Variants in GRK1 observed in about 807,000 individuals in gnomAD.
GRK1 encodes the protein G protein-coupled receptor kinase 1, also known as rhodopsin kinase GRK1.
A neutral mutation model predicts 41.7 loss-of-function variants in GRK1; 28 were observed. The observed-to-expected ratio is 0.67, with a 90% CI of 0.50 to 0.92. The LOEUF is 0.92. Ranked by LOEUF, GRK1 falls within the 40% of genes least tolerant of loss-of-function variation. The probability of loss-of-function intolerance (pLI) is 0.00; values close to 1 mark genes in which losing one functional copy is unlikely to be tolerated. For synonymous variants in GRK1, 327 were observed against 286.7 expected, an observed-to-expected ratio of 1.14 and a Z score of -1.42; for missense variants, 703 against 671.2, an observed-to-expected ratio of 1.05 and a Z score of -0.52.
chr13:113,657,599 C>T, the GRK1 span, among the ~76,000 whole-genome samples: 2 of 152,220 alleles, frequency 1.3e-5, no homozygotes, highest in Non-Finnish European at 2.9e-5. Context: ...TGGACGCCAG[C>T]GGGTGTCCCG....
chr13:113,733,843 GCATGTGTATGTGTGCATA>G (rs2049970456), intron 6 of GRK1, among the ~76,000 whole-genome samples: 3 of 122,330 alleles, frequency 2.5e-5, no homozygotes, highest in Admixed American at 8.0e-5. Flanking sequence ...ACGTGCGTGT[GCATGTGTATGTGTGCATA>G]CGTGTGTGCG....
chr13:113,652,749 C>T, the GRK1 span: 3 of 1,117,018 alleles, frequency 2.7e-6, no homozygotes, highest in South Asian at 4.0e-5. Context: ...GGTGGTGAGG[C>T]TGGAGTCCCT....
chr13:113,731,470 G>T lies in GRK1; in HGVS notation c.1194+127G>T. On this transcript the variant is annotated intron_variant, in intron 5 of 6. Coordinates refer to ENST00000335678, the MANE Select transcript of GRK1 (RefSeq NM_002929.3). This position sits in a 1 kb window ranked among gnomAD's most constrained non-coding sequence, Gnocchi z 5.6. ...TGTTCTGTGGGCCCTGGGGTGGGGAGGGCACAGATTCACGTGCTGGGGTCT... is the reference window on the plus strand; with the variant it reads ...TGTTCTGTGGGCCCTGGGGTGGGGATGGCACAGATTCACGTGCTGGGGTCT... 1 of 1,347,922 alleles carries T rather than the reference G, an allele frequency of 7.4e-7. No homozygotes were observed. The highest frequency in any genetic ancestry group is 1.0e-6 in the Non-Finnish European group (1 of 1,002,596). The allele number at this position is 1,347,922 out of a possible 1,614,324, so 83.5% of individuals were successfully genotyped here.
rs1455976242 is a variant in GRK1, at chr13:113,733,886, T to C, written c.1396+801T>C. Among the ~76,000 whole-genome samples the C allele has an allele frequency of 6.1e-3, 603 of 99,616 alleles. 19 individuals are homozygous for C. Among genetic ancestry groups the C allele is most frequent in the African/African-American group, 0.026 (543 of 21,002 alleles). 65.4% of individuals were successfully genotyped at this position (99,616 alleles called of 152,430 possible). A position where few individuals can be genotyped will look rare whatever the true frequency, so the allele number is the denominator to read the frequency against. On this transcript the variant is annotated intron_variant, in intron 6 of 6. Coordinates refer to ENST00000335678, the MANE Select transcript of GRK1 (RefSeq NM_002929.3). Reference sequence around the variant, plus strand: ...ACGTGTGTGCGTGTGTGCATACGTGTGTGCGTGTGTGTATGTGTGCATACA... The same window carrying C: ...ACGTGTGTGCGTGTGTGCATACGTGCGTGCGTGTGTGTATGTGTGCATACA...
At chr13:113,733,661 G>A (rs965765511) in intron 6 of GRK1, among the ~76,000 whole-genome samples, 4 of 99,550 alleles carry the variant, frequency 4.0e-5, no homozygotes, top group Non-Finnish European at 5.9e-5. Context: ...ACGTGTGTGT[G>A]CGTGTGTGCA....
At chr13:113,732,586 G>A (rs1174381761) in intron 5 of GRK1, among the ~76,000 whole-genome samples, 1 of 152,224 alleles carries the variant, frequency 6.6e-6, no homozygotes, top group Admixed American at 6.5e-5. Flanking sequence ...AGCTGGGCCC[G>A]CGCTGGCCTT....
the GRK1 span, chr13:113,658,188 A>C: frequency 1.3e-6 from 2 of 1,555,736 alleles, no homozygotes; most frequent in Non-Finnish European, 1.8e-6. Context: ...TGCACCCTCT[A>C]CGCCCAGACT....
At chr13:113,657,978 G>A in the GRK1 span, 4 of 1,423,406 alleles carry the variant, frequency 2.8e-6, no homozygotes, top group African/African-American at 4.2e-5. Context: ...CCTGGAGGCT[G>A]CGTCCTCAGA....
At position 113,732,892 on chromosome 13, in the gene GRK1, C is replaced by A. The variant is rs2049947408; in HGVS notation, c.1203C>A (p.Asn401Lys). The change falls in exon 6 of 7, where the codon AAC becomes AAA. Residue 401 changes from asparagine (N) to lysine (K), a missense_variant. By Grantham distance (94) the Asn-to-Lys change is moderately conservative. Coordinates refer to ENST00000335678, the MANE Select transcript of GRK1 (RefSeq NM_002929.3). ...TACGCGTGTCCCCACAGGTGGAGAA[C>A]AAGGAGCTGAAGCACCGGATCATCT... is the stretch of plus-strand genomic sequence containing the variant. ...PFRARGEKVE[N>K]KELKHRIISE... 1 of 1,536,510 alleles carries A rather than the reference C, an allele frequency of 6.5e-7. No homozygotes were observed. The highest frequency in any genetic ancestry group is 8.7e-7 in the Non-Finnish European group (1 of 1,146,878).
rs377102130 is a variant in GRK1 at position 113,671,541 on chromosome 13, G to A, written c.870G>A (p.Pro290=). 1.5e-4 allele frequency: 120 copies of A among 778,838 alleles called. No homozygotes were observed. In the African/African-American group the frequency reaches 1.8e-3, roughly 12 times the overall value. 48.2% of individuals were successfully genotyped at this position (778,838 alleles called of 1,614,324 possible). The change falls in exon 3 of 7, where the codon CCG becomes CCA. Residue 290 remains proline, a synonymous_variant. Coordinates refer to ENST00000335678, the MANE Select transcript of GRK1 (RefSeq NM_002929.3). This position sits in a 1 kb window ranked among gnomAD's most constrained non-coding sequence, Gnocchi z 4.1. ...YNVNEENPGF[P]EPRALFYTAQ... ...TGAATGAGGAGAACCCTGGCTTCCC[G>A]GAGCCGCGCGCCCTCTTCTACACGG...
At chr13:113,732,847 G>A (rs1034392868) in intron 5 of GRK1, 37 bp from the exon 6 acceptor site, 2 of 1,509,310 alleles carry the variant, frequency 1.3e-6, no homozygotes, top group South Asian at 1.3e-5. Flanking sequence ...CAAGAGAGGC[G>A]GGTCTGGCAG....
At chr13:113,651,646 C>T in the GRK1 span, 48 of 1,586,836 alleles carry the variant, frequency 3.0e-5, no homozygotes, top group Admixed American at 5.3e-5. Flanking sequence ...TGGGGCAGCC[C>T]TGCCCGCCGC....
chr13:113,667,718 T>C lies in GRK1; in HGVS notation c.332T>C (p.Leu111Pro). ...DLQPQKAQTI[L>P]AQYLDPQAKL... is the part of the protein sequence containing the mutation. ...CAGCCACAGAAGGCCCAGACCATCC[T>C]GGCCCAGTACCTGGACCCCCAGGCC... The change falls in exon 1 of 7, where the codon CTG becomes CCG. Residue 111 changes from leucine (L) to proline (P), a missense_variant. Physicochemically the swap from Leu to Pro is moderately conservative, Grantham distance 98 (BLOSUM62 -3). Coordinates refer to ENST00000335678, the MANE Select transcript of GRK1 (RefSeq NM_002929.3). The surrounding 1 kb of genome is among the most constrained non-coding windows in gnomAD (Gnocchi z 7.5). 1 of 1,613,912 alleles carries C rather than the reference T, an allele frequency of 6.2e-7. No individual in the cohort carries two copies. The highest frequency in any genetic ancestry group is 8.5e-7 in the Non-Finnish European group (1 of 1,179,908).
chr13:113,662,095 C>A, the GRK1 span, among the ~76,000 whole-genome samples: 1 of 152,212 alleles, frequency 6.6e-6, no homozygotes, highest in East Asian at 1.9e-4. Context: ...AAGTTGAATC[C>A]AACAAAGTAT....
At chr13:113,672,474 G>A (rs1443212022) in intron 3 of GRK1, among the ~76,000 whole-genome samples, 2 of 144,370 alleles carry the variant, frequency 1.4e-5, no homozygotes, top group African/African-American at 5.3e-5. Flanking sequence ...GTATGTGTGT[G>A]GTATCTGTAT....
rs1594579403 is a variant in GRK1, at chr13:113,731,533, G to A, written c.1194+190G>A. On this transcript the variant is annotated intron_variant, in intron 5 of 6. Coordinates refer to ENST00000335678, the MANE Select transcript of GRK1 (RefSeq NM_002929.3). This position sits in a 1 kb window ranked among gnomAD's most constrained non-coding sequence, Gnocchi z 5.6. ...ATGCTGTTCTGTCTCAGTGGGTGACGCCCCCAGCCCCTGAGGCCTGCAGGT... is the reference window on the plus strand; with the variant it reads ...ATGCTGTTCTGTCTCAGTGGGTGACACCCCCAGCCCCTGAGGCCTGCAGGT... The A allele has an allele frequency of 2.6e-5, 10 of 384,220 alleles. No individual in the cohort carries two copies. The highest frequency in any genetic ancestry group is 3.3e-4 in the East Asian group (2 of 6,084). 23.8% of individuals were successfully genotyped at this position (384,220 alleles called of 1,614,324 possible). A position where few individuals can be genotyped will look rare whatever the true frequency, so the allele number is the denominator to read the frequency against.
chr13:113,670,147 G>A (rs1235194202), intron 2 of GRK1, among the ~76,000 whole-genome samples: 1 of 152,174 alleles, frequency 6.6e-6, no homozygotes, highest in Non-Finnish European at 1.5e-5. Flanking sequence ...CCTTGCACCA[G>A]GAGGGTAAAT....
chr13:113,666,418 C>A (rs760174367), upstream of GRK1, among the ~76,000 whole-genome samples: 2 of 149,844 alleles, frequency 1.3e-5, no homozygotes, highest in Non-Finnish European at 3.0e-5. Flanking sequence ...GCAGGTGTTC[C>A]CCAGCTGTCC....
chr13:113,649,215 G>A, the GRK1 span: 1 of 713,574 alleles, frequency 1.4e-6, no homozygotes, highest in South Asian at 2.2e-5. The surrounding 1 kb of genome is among the most constrained non-coding windows in gnomAD (Gnocchi z 4.7). Flanking sequence ...AGGTCCTTCA[G>A]ATGTGGGCGC....
Sources: gnomAD v4.1 joint callset for allele counts (sites outside exome capture counted in the v4.1 genomes callset) on GRCh38, gnomAD v4.1.1 for gene constraint, Gnocchi (gnomAD v3.1) non-coding constraint, MANE v1.5 for transcripts, NCBI Gene and HGNC (gene_info 2026-07-23, HGNC 2026-07-21) for gene names.